PRKCH: variants seen among roughly 807,000 people sequenced by gnomAD.
The protein encoded by PRKCH is protein kinase C eta type.
A neutral mutation model predicts 82.5 loss-of-function variants in PRKCH; 28 were observed. That is an observed-to-expected ratio of 0.34 (90% CI 0.25 to 0.47). PRKCH has a LOEUF of 0.47. Among genes scored for constraint, PRKCH ranks in the 20% least tolerant of loss-of-function variants. The pLI is 1.00. For missense variants in PRKCH, 705 were observed against 881.8 expected, an observed-to-expected ratio of 0.80 and a Z score of 2.54; for synonymous variants, 322 against 327.4, an observed-to-expected ratio of 0.98 and a Z score of 0.18.
chr14:61,308,550 A>G (rs555934455), intron 1 of PRKCH, among the ~76,000 whole-genome samples: 2 of 152,310 alleles, frequency 1.3e-5, no homozygotes, highest in African/African-American at 4.8e-5. Context: ...TATACTCACC[A>G]GAGCACTTGT....
chr14:61,286,910 A>T (rs969745136), intron 1 of PRKCH, among the ~76,000 whole-genome samples: 1 of 151,322 alleles, frequency 6.6e-6, no homozygotes, highest in African/African-American at 2.4e-5. Context: ...GGATGGCCAG[A>T]TTAAAAGACA....
At position 61,345,960 on chromosome 14, in the gene PRKCH, A is replaced by C. The variant is rs2045987422; in HGVS notation, c.363+23496A>C. 1.3e-5 allele frequency among the ~76,000 whole-genome samples: 2 copies of C among 152,060 alleles called. 1 individual carries two copies. Among genetic ancestry groups the C allele is most frequent in the East Asian group, 3.9e-4 (2 of 5,188 alleles). On this transcript the variant is annotated intron_variant, in intron 1 of 13. Transcript: ENST00000332981. ...GCATTACACCTGCCTCAGGTGGTTG[A>C]TATGAAGAAAAGTAAAAATTTTTCA...
intron 1 of PRKCH, among the ~76,000 whole-genome samples, chr14:61,356,748 C>T (rs1316229558): frequency 1.3e-5 from 2 of 152,194 alleles, no homozygotes; most frequent in African/African-American, 4.8e-5. Context: ...GTGGCATGAT[C>T]TCAGCTCACT....
chr14:61,251,259 G>T (rs1038115803), intron 1 of PRKCH, among the ~76,000 whole-genome samples: 17 of 152,128 alleles, frequency 1.1e-4, no homozygotes, highest in Non-Finnish European at 7.4e-5. Context: ...AATTGTTACT[G>T]ACTATAGTCA....
At chr14:61,408,208 A>G (rs373499537) in intron 2 of PRKCH, among the ~76,000 whole-genome samples, 3 of 152,268 alleles carry the variant, frequency 2.0e-5, no homozygotes, top group South Asian at 2.1e-4. Context: ...CATCCTACTC[A>G]GTGGCATTCC....
intron 1 of PRKCH, among the ~76,000 whole-genome samples, chr14:61,381,768 G>A (rs1320157305): frequency 1.3e-5 from 2 of 152,248 alleles, no homozygotes; most frequent in East Asian, 3.8e-4. Context: ...AGGTGCTAGT[G>A]GCACGAGTCT....
At chr14:61,263,862 T>C (rs2045072188) in intron 1 of PRKCH, among the ~76,000 whole-genome samples, 1 of 31,002 alleles carries the variant, frequency 3.2e-5, no homozygotes, top group African/African-American at 6.4e-5. Flanking sequence ...TGTGTGTGTG[T>C]GTGTGTGTGT....
intron 1 of PRKCH, among the ~76,000 whole-genome samples, chr14:61,257,706 C>A (rs1395905448): frequency 6.6e-6 from 1 of 151,374 alleles, no homozygotes; most frequent in African/African-American, 2.4e-5. Flanking sequence ...TATTTTTCAC[C>A]TTATAGTATT....
At chr14:61,229,667 C>G (rs1356807324) in intron 1 of PRKCH, among the ~76,000 whole-genome samples, 1 of 152,132 alleles carries the variant, frequency 6.6e-6, no homozygotes, top group African/African-American at 2.4e-5. Flanking sequence ...GGAAAGGAAA[C>G]TTTTCCAGAG....
At chr14:61,461,039 G>C (rs572736071) in intron 9 of PRKCH, among the ~76,000 whole-genome samples, 131 of 152,236 alleles carry the variant, frequency 8.6e-4, no homozygotes, top group Middle Eastern at 6.8e-3. Flanking sequence ...AAAAAAAAAT[G>C]GGGAGGCAGC....
At position 61,549,989 on chromosome 14, in the gene PRKCH, T is replaced by C; in HGVS notation, c.*158T>C. ...CTGTGAAGGATGGAACTTTCAGATA[T>C]CAACTATTTAGAGTCCAGAGGGAGC... On this transcript the variant is annotated 3_prime_UTR_variant, in exon 14 of 14. Transcript: ENST00000332981. The C allele has an allele frequency of 2.7e-6, 2 of 750,546 alleles. No homozygotes were observed. Among genetic ancestry groups the C allele is most frequent in the South Asian group, 4.2e-5 (2 of 47,632 alleles). The allele number at this position is 750,546 out of a possible 1,614,324, so 46.5% of individuals were successfully genotyped here.
intron 1 of PRKCH, chr14:61,353,350 C>G (rs1190577187): frequency 1.3e-5 from 2 of 152,132 alleles, no homozygotes; most frequent in Non-Finnish European, 2.9e-5. Flanking sequence ...TAAAGATTTA[C>G]ATAAAGTAGC....
At chr14:61,377,311 A>G (rs1021803317) in intron 1 of PRKCH, among the ~76,000 whole-genome samples, 19 of 152,006 alleles carry the variant, frequency 1.2e-4, no homozygotes, top group African/African-American at 4.3e-4. Context: ...GAAAAATTTC[A>G]CTGCTCTTAG....
At chr14:61,513,096 T>C (rs1330505594) in intron 10 of PRKCH, among the ~76,000 whole-genome samples, 1 of 152,140 alleles carries the variant, frequency 6.6e-6, no homozygotes, top group African/African-American at 2.4e-5. Context: ...ATGGGATTGG[T>C]AGCATAAAAG....
intron 2 of PRKCH, among the ~76,000 whole-genome samples, chr14:61,414,823 C>G (rs1882469874): frequency 6.6e-6 from 1 of 152,182 alleles, no homozygotes; most frequent in Admixed American, 6.5e-5. Context: ...TGTCCCCACA[C>G]TCTTGAATAT....
intron 10 of PRKCH, among the ~76,000 whole-genome samples, chr14:61,520,093 A>C (rs1319802127): frequency 6.6e-6 from 1 of 151,524 alleles, no homozygotes; most frequent in Non-Finnish European, 1.5e-5. Context: ...AAAAAAAAGA[A>C]AGAAAGATTA....
At position 61,188,603 on chromosome 14, in the gene PRKCH, G is replaced by T. The variant is rs868607632; in HGVS notation, c.-19+935G>T. ...TGTGTGTGTGTCGGGGGGGTGGGGG[G>T]GTGGTGTGGTGTGTGTGTGTGTGTG... On this transcript the variant is annotated intron_variant, in intron 1 of 3. Coordinates refer to the PRKCH transcript ENST00000555185. Among the ~76,000 whole-genome samples the T allele has an allele frequency of 4.7e-3, 271 of 58,208 alleles. 35 individuals are homozygous for T. Among genetic ancestry groups the T allele is most frequent in the African/African-American group, 0.017 (249 of 14,694 alleles). The allele number at this position is 58,208 out of a possible 152,430, so 38.2% of individuals were successfully genotyped here. A position where few individuals can be genotyped will look rare whatever the true frequency, so the allele number is the denominator to read the frequency against.
chr14:61,257,629 ACCCC>A (rs71117804), intron 1 of PRKCH, among the ~76,000 whole-genome samples: 56,323 of 113,106 alleles, frequency 0.5, 11,709 homozygotes, highest in Non-Finnish European at 0.54. Flanking sequence ...ACACACACAC[ACCCC>A]CACACACACA....
Position 61,435,167 on chromosome 14 carries a change from C to T in PRKCH, c.428-7944C>T, listed in dbSNP as rs118063202. 5.4e-3 allele frequency among the ~76,000 whole-genome samples: 817 copies of T among 152,316 alleles called. 5 individuals carry two copies. The highest frequency in any genetic ancestry group is 9.9e-3 in the Non-Finnish European group (672 of 68,022). On this transcript the variant is annotated intron_variant, in intron 2 of 13. Coordinates refer to ENST00000332981, the MANE Select transcript of PRKCH (RefSeq NM_006255.5). ...GAGCCTCAGTTGCCCACCCTGGAAA[C>T]CTGCTCAGTAATACGCTTATCGTTG...
Sources: allele counts gnomAD v4.1 joint callset (sites outside exome capture counted in the v4.1 genomes callset), GRCh38; gene constraint gnomAD v4.1.1; transcripts MANE v1.5; gene names NCBI Gene and HGNC (gene_info 2026-07-23, HGNC 2026-07-21).